Variants in SETD5 observed in about 807,000 individuals in gnomAD.
SETD5 encodes histone-lysine N-methyltransferase SETD5.
A neutral mutation model predicts 153.3 loss-of-function variants in SETD5; 44 were observed. The ratio of observed to expected loss-of-function variants is 0.29; its 90% CI spans 0.23 to 0.37. SETD5 has a LOEUF of 0.37. SETD5 is among the 10% of genes least tolerant of loss of function. The probability of loss-of-function intolerance (pLI) is 1.00; values close to 1 mark genes in which losing one functional copy is unlikely to be tolerated. For missense variants in SETD5, 1,544 were observed against 1,768.0 expected (o/e 0.87, Z 2.27); for synonymous variants, 716 against 645.2 (o/e 1.11, Z -1.66).
rs574943515 is a variant in SETD5 at position 9,459,656 on chromosome 3, G to A, written c.2477-4769G>A. On this transcript the variant is annotated intron_variant, in intron 17 of 22. Coordinates refer to ENST00000402198, the MANE Select transcript of SETD5 (RefSeq NM_001080517.3). ...AAAAAAACCGGGCATAGTGGCAGGC[G>A]CCTGTAATCCCAGCTACTCGCCACT... Among the ~76,000 whole-genome samples, 1,102 of 144,182 alleles carry A rather than the reference G, an allele frequency of 7.6e-3. 11 individuals carry two copies. The highest frequency in any genetic ancestry group is 8.5e-3 in the Non-Finnish European group (567 of 66,688). 94.6% of individuals were successfully genotyped at this position (144,182 alleles called of 152,430 possible).
At chr3:9,447,337 A>G in intron 14 of SETD5, 30 bp downstream of exon 14, 1 of 1,591,328 alleles carries the variant, frequency 6.3e-7, no homozygotes, top group Non-Finnish European at 8.5e-7. Context: ...CAGCACTTAG[A>G]CATCCTCACC....
At chr3:9,446,506 C>G (rs199853890) in intron 13 of SETD5, among the ~76,000 whole-genome samples, 1 of 136,904 alleles carries the variant, frequency 7.3e-6, no homozygotes, top group Non-Finnish European at 1.6e-5. Flanking sequence ...TTTTTTTTTT[C>G]TTTTTGAGAC....
intron 17 of SETD5, among the ~76,000 whole-genome samples, chr3:9,457,265 G>A (rs912236010): frequency 2.0e-5 from 3 of 152,052 alleles, no homozygotes; most frequent in African/African-American, 7.2e-5. Flanking sequence ...GAGATGGGTG[G>A]ATCACAAGGT....
chr3:9,412,300 G>A (rs2036681874), intron 1 of SETD5, among the ~76,000 whole-genome samples: 1 of 150,178 alleles, frequency 6.7e-6, no homozygotes. Flanking sequence ...GGCATTCTAG[G>A]AAAGGACAAA....
intron 19 of SETD5, 27 bp downstream of exon 19, chr3:9,470,956 A>G (rs1320182979): frequency 7.9e-7 from 1 of 1,261,972 alleles, no homozygotes; most frequent in East Asian, 2.5e-5. Flanking sequence ...ATATCGGCGA[A>G]CTTTTCAAGA....
intron 17 of SETD5, among the ~76,000 whole-genome samples, chr3:9,461,629 CT>C (rs1366791245): frequency 6.6e-6 from 1 of 152,144 alleles, no homozygotes; most frequent in Non-Finnish European, 1.5e-5. Context: ...CTGTAAACTT[CT>C]TAAGGGCAGA....
rs576879019 is a variant in SETD5 at position 9,449,070 on chromosome 3, C to T, written c.2346+440C>T. ...TTAAATTGTTTTGAATCAATTCAAC[C>T]GTTATTATCCACTATCATCACTTGA... On this transcript the variant is annotated intron_variant, in intron 16 of 22. Coordinates refer to ENST00000402198, the MANE Select transcript of SETD5 (RefSeq NM_001080517.3). Among the ~76,000 whole-genome samples the T allele has an allele frequency of 8.7e-4, 133 of 152,288 alleles. No homozygotes were observed. The South Asian group carries it at 0.012, about 14-fold the overall frequency.
chr3:9,446,594 G>A (rs547467499), intron 13 of SETD5, among the ~76,000 whole-genome samples: 13 of 151,956 alleles, frequency 8.6e-5, no homozygotes, highest in Non-Finnish European at 1.6e-4. Context: ...CCGGGTTCAA[G>A]CAATTCCCCT....
chr3:9,459,650 G>T (rs1164961872), intron 17 of SETD5, among the ~76,000 whole-genome samples: 1 of 148,564 alleles, frequency 6.7e-6, no homozygotes, highest in Non-Finnish European at 1.5e-5. Flanking sequence ...GGGCATAGTG[G>T]CAGGCGCCTG....
intron 7 of SETD5, among the ~76,000 whole-genome samples, chr3:9,438,996 CAGTG>C (rs1000013678): frequency 1.3e-5 from 2 of 152,208 alleles, no homozygotes; most frequent in Non-Finnish European, 2.9e-5. Context: ...AGTAAACACA[CAGTG>C]AGATTAGCGA....
rs1282243069 is a variant in SETD5 at position 9,447,668 on chromosome 3, A to T, written c.1783-18A>T. ...ATAAAACATTTCTGGTAAGCATCTGACCCTACTATTGCTACAGGATATTGC... is the reference window on the plus strand; with the variant it reads ...ATAAAACATTTCTGGTAAGCATCTGTCCCTACTATTGCTACAGGATATTGC... On this transcript the variant is annotated intron_variant, in intron 14 of 22. Coordinates refer to ENST00000402198, the MANE Select transcript of SETD5 (RefSeq NM_001080517.3). 1 of 1,607,602 alleles carries T rather than the reference A, an allele frequency of 6.2e-7. No individual in the cohort carries two copies. Among genetic ancestry groups the T allele is most frequent in the African/African-American group, 1.3e-5 (1 of 74,428 alleles).
chr3:9,436,310 C>CA (rs942850311), intron 7 of SETD5, among the ~76,000 whole-genome samples: 5 of 151,822 alleles, frequency 3.3e-5, no homozygotes, highest in Admixed American at 6.6e-5. Context: ...TTCCTTGTTT[C>CA]AAAAAAAATA....
intron 1 of SETD5, among the ~76,000 whole-genome samples, chr3:9,413,758 A>AT (rs956696670): frequency 1.3e-5 from 2 of 149,694 alleles, no homozygotes; most frequent in Non-Finnish European, 3.0e-5. Flanking sequence ...TAGAAGTTTC[A>AT]TTTTTTGTTT....
chr3:9,457,342 G>A (rs1414292399), intron 17 of SETD5, among the ~76,000 whole-genome samples: 2 of 152,038 alleles, frequency 1.3e-5, no homozygotes, highest in Non-Finnish European at 2.9e-5. Context: ...CAAAAAATTA[G>A]CTGTGCGTGG....
chr3:9,470,113 A>G (rs1372422124), intron 18 of SETD5, among the ~76,000 whole-genome samples: 1 of 152,144 alleles, frequency 6.6e-6, no homozygotes, highest in East Asian at 1.9e-4. Context: ...TAAATTCCTA[A>G]TTATACCACT....
rs746636897 is a variant in SETD5 at position 9,445,362 on chromosome 3, G to A, written c.1440+62G>A. 150 of 1,553,092 alleles carry A rather than the reference G, an allele frequency of 9.7e-5. No individual in the cohort carries two copies. In the Admixed American group the frequency reaches 1.7e-3, roughly 18 times the overall value. ...CAATCCTCCAAAGGAAGAGGAACCC[G>A]GGTTGCCGCATGGTTTAAGTAGGGG... is the stretch of plus-strand genomic sequence containing the variant. On this transcript the variant is annotated intron_variant, in intron 12 of 22. Transcript: ENST00000402198.
chr3:9,463,338 C>A (rs187404863), intron 17 of SETD5, among the ~76,000 whole-genome samples: 1 of 152,260 alleles, frequency 6.6e-6, no homozygotes, highest in African/African-American at 2.4e-5. Context: ...CTATTTCTTA[C>A]AAATTTTAAG....
chr3:9,421,993 GA>G (rs2038481391), intron 1 of SETD5, among the ~76,000 whole-genome samples: 2 of 152,138 alleles, frequency 1.3e-5, no homozygotes, highest in South Asian at 4.1e-4. Context: ...TTGGCTAGTT[GA>G]AGTTTAGAGA....
intron 1 of SETD5, among the ~76,000 whole-genome samples, chr3:9,417,584 C>G (rs1252565886): frequency 6.6e-6 from 1 of 151,390 alleles, no homozygotes; most frequent in Non-Finnish European, 1.5e-5. Context: ...CTCCCGGGTT[C>G]ACGCCATTCT....
Sources: gnomAD v4.1 joint callset for allele counts (sites outside exome capture counted in the v4.1 genomes callset) on GRCh38, gnomAD v4.1.1 for gene constraint, MANE v1.5 for transcripts, NCBI Gene and HGNC (gene_info 2026-07-23, HGNC 2026-07-21) for gene names.